FGF14: variants seen among roughly 807,000 people sequenced by gnomAD.
FGF14 encodes the protein fibroblast growth factor homologous factor 4.
In FGF14, 5 loss-of-function variants were observed where a neutral mutation model predicts 25.5. The ratio of observed to expected loss-of-function variants is 0.20; its 90% CI spans 0.10 to 0.41. FGF14 has a LOEUF of 0.41. Among genes scored for constraint, FGF14 ranks in the 10% least tolerant of loss-of-function variants. FGF14 has a pLI of 1.00. For missense variants in FGF14, 222 were observed against 320.1 expected, an observed-to-expected ratio of 0.69 and a Z score of 2.34; for synonymous variants, 138 against 118.3, an observed-to-expected ratio of 1.17 and a Z score of -1.08.
rs1373515614 is a variant in FGF14, at chr13:101,868,765, A to G, written c.368T>C (p.Leu123Ser). ...ACCTTCTCCATTCATGGCTATATAC[A>G]ACCCTGTTTTCACTCCCTGGATGGC... ...VVAIQGVKTG[L>S]YIAMNGEGYL... The change falls in exon 3 of 5, where the codon TTG becomes TCG. Residue 123 changes from leucine (L) to serine (S), a missense_variant. Around this residue, in one of 5 missense-constraint regions of FGF14, gnomAD observed 50 missense variants for 75.2 expected, o/e 0.66. Coordinates refer to ENST00000376143, the MANE Select transcript of FGF14 (RefSeq NM_004115.4). 2 of 1,613,600 alleles carry G rather than the reference A, an allele frequency of 1.2e-6. No individual in the cohort carries two copies. Among genetic ancestry groups the G allele is most frequent in the Non-Finnish European group, 1.7e-6 (2 of 1,179,586 alleles).
At chr13:101,918,349 CT>C (rs2033734516), upstream of FGF14, among the ~76,000 whole-genome samples, 2 of 152,202 alleles carry the variant, frequency 1.3e-5, no homozygotes, top group Non-Finnish European at 1.5e-5. Context: ...CTTTACACTG[CT>C]TTGCCTATCA....
chr13:102,102,700 C>T (rs901531407), intron 1 of FGF14, among the ~76,000 whole-genome samples: 5 of 152,202 alleles, frequency 3.3e-5, no homozygotes, highest in Admixed American at 1.3e-4. Context: ...AATATGTATT[C>T]ATAAACTTTC....
intron 1 of FGF14, among the ~76,000 whole-genome samples, chr13:101,955,324 G>A (rs2036448484): frequency 6.6e-6 from 1 of 152,204 alleles, no homozygotes; most frequent in Non-Finnish European, 1.5e-5. Flanking sequence ...TTCTAATGTG[G>A]CTTCAATGAT....
intron 1 of FGF14, among the ~76,000 whole-genome samples, chr13:102,204,278 C>T (rs866996187): frequency 6.6e-6 from 1 of 152,168 alleles, no homozygotes; most frequent in Admixed American, 6.5e-5. Flanking sequence ...CCTGAGTCCA[C>T]TTAGTTCAAT....
chr13:101,875,228 C>T lies in FGF14; in HGVS notation c.262G>A (p.Asp88Asn), dbSNP rs772935086. ...TCCTTGGTTCCATCGAGAGCTCCAT[C>T]GGGGTGCATTTGCAAGTAGTAGCCT... ...RQGYYLQMHPDGALDGTKDDS... is the reference protein window; with the variant it reads ...RQGYYLQMHPNGALDGTKDDS... Residue 88 changes from aspartate to asparagine, a missense_variant, in exon 2 of 5, where the codon GAT becomes AAT. Physicochemically the swap from Asp to Asn is conservative, Grantham distance 23. Around this residue, in one of 5 missense-constraint regions of FGF14, gnomAD observed 50 missense variants for 75.2 expected, o/e 0.66. Transcript: ENST00000376143. The T allele has an allele frequency of 1.1e-5, 18 of 1,613,444 alleles. 1 individual carries two copies. The highest frequency in any genetic ancestry group is 1.1e-5 in the South Asian group (1 of 91,072).
At chr13:101,724,964 T>G (rs1032713713) in intron 4 of FGF14, among the ~76,000 whole-genome samples, 5 of 152,090 alleles carry the variant, frequency 3.3e-5, no homozygotes, top group African/African-American at 1.2e-4. Flanking sequence ...ACATCATTGT[T>G]GTCTCAGATA....
intron 1 of FGF14, among the ~76,000 whole-genome samples, chr13:102,321,476 A>G (rs2056242183): frequency 6.6e-6 from 1 of 152,198 alleles, no homozygotes; most frequent in Non-Finnish European, 1.5e-5. Flanking sequence ...GGGTCATTAT[A>G]AACACAAATT....
chr13:102,123,849 A>G (rs986633876), intron 1 of FGF14, among the ~76,000 whole-genome samples: 1 of 152,190 alleles, frequency 6.6e-6, no homozygotes, highest in African/African-American at 2.4e-5. Flanking sequence ...CGTGAATTAA[A>G]TGTTTGACAT....
At chr13:101,764,260 T>A (rs1342095416) in intron 3 of FGF14, among the ~76,000 whole-genome samples, 1 of 152,116 alleles carries the variant, frequency 6.6e-6, no homozygotes, top group Non-Finnish European at 1.5e-5. Context: ...CTGCTGGAGG[T>A]CTCTAAGCTT....
intron 1 of FGF14, among the ~76,000 whole-genome samples, chr13:101,912,878 C>T (rs2033091012): frequency 6.6e-6 from 1 of 152,022 alleles, no homozygotes; most frequent in Non-Finnish European, 1.5e-5. Context: ...AATCCAAGGG[C>T]AATGAGGAGA....
At chr13:102,161,842 A>AAC (rs1555369674) in intron 1 of FGF14, among the ~76,000 whole-genome samples, 1 of 151,822 alleles carries the variant, frequency 6.6e-6, no homozygotes, top group Non-Finnish European at 1.5e-5. Flanking sequence ...AAAAAAAAAA[A>AAC]AACCTGGAGA....
intron 1 of FGF14, among the ~76,000 whole-genome samples, chr13:102,271,630 T>C (rs985887410): frequency 1.3e-5 from 2 of 152,220 alleles, no homozygotes; most frequent in African/African-American, 2.4e-5. Context: ...TCATTAATTT[T>C]CATATGTCCA....
intron 1 of FGF14, among the ~76,000 whole-genome samples, chr13:102,343,214 A>C (rs971748473): frequency 4.6e-5 from 7 of 152,184 alleles, no homozygotes; most frequent in African/African-American, 1.4e-4. Flanking sequence ...ATAAGAGCTT[A>C]GGGTCTAAGA....
chr13:102,140,308 T>A (rs1201343491), intron 1 of FGF14, among the ~76,000 whole-genome samples: 2 of 152,158 alleles, frequency 1.3e-5, no homozygotes, highest in Non-Finnish European at 2.9e-5. Flanking sequence ...TAATGTTAAC[T>A]AATTTTGCTA....
At chr13:101,832,896 T>C (rs971487325) in intron 3 of FGF14, among the ~76,000 whole-genome samples, 1 of 152,044 alleles carries the variant, frequency 6.6e-6, no homozygotes, top group Non-Finnish European at 1.5e-5. Context: ...ATCTATATGT[T>C]TAAAAAGAAC....
Position 101,722,634 on chromosome 13 carries a change from A to ATCCAGGTGTCTTCTTGTTG in FGF14, c.*178_*196dup. The ATCCAGGTGTCTTCTTGTTG allele has an allele frequency of 1.5e-6, 1 of 666,840 alleles. No homozygotes were observed. Among genetic ancestry groups the ATCCAGGTGTCTTCTTGTTG allele is most frequent in the East Asian group, 2.8e-5 (1 of 35,870 alleles). 41.3% of individuals were successfully genotyped at this position (666,840 alleles called of 1,614,324 possible). A position where few individuals can be genotyped will look rare whatever the true frequency, so the allele number is the denominator to read the frequency against. ...TTCCATGGTCTGAGTTTAGCTGGTT[A>ATCCAGGTGTCTTCTTGTTG]TCCAGGTGTCTTCTTGTTGTGGGGG... is the stretch of plus-strand genomic sequence containing the variant. On this transcript the variant is annotated 3_prime_UTR_variant, in exon 5 of 5. Coordinates refer to ENST00000376143, the MANE Select transcript of FGF14 (RefSeq NM_004115.4).
intron 1 of FGF14, among the ~76,000 whole-genome samples, chr13:102,131,555 T>C (rs2046197416): frequency 1.3e-5 from 2 of 152,178 alleles, no homozygotes; most frequent in Non-Finnish European, 2.9e-5. Flanking sequence ...TTATCTGGCC[T>C]GAAATTGTGC....
Position 101,799,985 on chromosome 13 carries a change from C to A in FGF14, c.408+68740G>T, listed in dbSNP as rs1159613035. Among the ~76,000 whole-genome samples the A allele has an allele frequency of 2.0e-5, 3 of 152,192 alleles. No individual in the cohort carries two copies. The South Asian group carries it at 6.2e-4, about 32-fold the overall frequency. ...ACAAATGAATTGCCTTTTAAGTAAACTTTACATAGAAGGAATGTCGATTTT... is the reference window on the plus strand; with the variant it reads ...ACAAATGAATTGCCTTTTAAGTAAAATTTACATAGAAGGAATGTCGATTTT... On this transcript the variant is annotated intron_variant, in intron 3 of 4. Transcript: ENST00000376143.
chr13:101,727,694 A>G (rs889300286), intron 3 of FGF14, among the ~76,000 whole-genome samples: 6 of 152,162 alleles, frequency 3.9e-5, no homozygotes, highest in Non-Finnish European at 8.8e-5. Context: ...TAAATAAAAA[A>G]TTAATAAGGG....
Sources: gnomAD v4.1 joint callset for allele counts (sites outside exome capture counted in the v4.1 genomes callset) on GRCh38, gnomAD v4.1.1 for gene constraint, gnomAD v4.1.1 regional missense constraint, MANE v1.5 for transcripts, NCBI Gene and HGNC (gene_info 2026-07-23, HGNC 2026-07-21) for gene names.